The following E2F3 variants were observed in gnomAD, a reference collection of about 807,000 sequenced individuals.
The protein encoded by E2F3 is transcription factor E2F3.
E2F3 carries 11 observed loss-of-function variants against 44.4 expected under a neutral mutation model. The ratio of observed to expected loss-of-function variants is 0.25; its 90% CI spans 0.16 to 0.41. The LOEUF is 0.41. Ranked by LOEUF, E2F3 falls within the 10% of genes least tolerant of loss-of-function variation. The probability of loss-of-function intolerance (pLI) is 1.00; values close to 1 mark genes in which losing one functional copy is unlikely to be tolerated. For missense variants in E2F3, 487 were observed against 583.6 expected, an observed-to-expected ratio of 0.83 and a Z score of 1.70; for synonymous variants, 249 against 253.0, an observed-to-expected ratio of 0.98 and a Z score of 0.15.
chr6:20,442,248 C>T (rs761406944), intron 1 of E2F3, among the ~76,000 whole-genome samples: 1 of 152,166 alleles, frequency 6.6e-6, no homozygotes, highest in Non-Finnish European at 1.5e-5. Context: ...GCCAACACAG[C>T]GAAGTATGCT....
intron 1 of E2F3, among the ~76,000 whole-genome samples, chr6:20,445,778 G>A (rs1031735689): frequency 6.6e-6 from 1 of 152,156 alleles, no homozygotes; most frequent in African/African-American, 2.4e-5. Flanking sequence ...TCCAAAATAC[G>A]TACAATGTTA....
chr6:20,410,575 C>T (rs897892703), intron 1 of E2F3, among the ~76,000 whole-genome samples: 4 of 152,300 alleles, frequency 2.6e-5, no homozygotes, highest in South Asian at 2.1e-4. Flanking sequence ...ATTGCCCTTC[C>T]TTCCACAGGC....
At chr6:20,409,626 T>C (rs1239008096) in intron 1 of E2F3, among the ~76,000 whole-genome samples, 1 of 152,258 alleles carries the variant, frequency 6.6e-6, no homozygotes, top group Non-Finnish European at 1.5e-5. Context: ...CCTCTGTGGT[T>C]AGCTCCAAGA....
intron 1 of E2F3, among the ~76,000 whole-genome samples, chr6:20,411,615 C>T (rs1394382789): frequency 1.3e-5 from 2 of 152,204 alleles, no homozygotes; most frequent in Admixed American, 1.3e-4. Flanking sequence ...TCGGCTGCTG[C>T]GACAGTGTGG....
chr6:20,422,190 G>A (rs907647878), intron 1 of E2F3, among the ~76,000 whole-genome samples: 4 of 152,118 alleles, frequency 2.6e-5, no homozygotes, highest in South Asian at 2.1e-4. Context: ...TTGCTGCTTC[G>A]CGTTGCACTT....
chr6:20,473,006 G>C lies in E2F3; in HGVS notation c.394-6840G>C, dbSNP rs997329641. On this transcript the variant is annotated intron_variant, in intron 1 of 6. Transcript: ENST00000346618. The stretch of plus-strand genomic sequence containing the variant: ...CGATTTATGGGAAAAACTTTTTAAA[G>C]ATGGGATGGTAGATAGTCTAGGTAA... Among the ~76,000 whole-genome samples the C allele has an allele frequency of 3.3e-5, 5 of 152,326 alleles. No homozygotes were observed. The East Asian group carries it at 9.6e-4, about 29-fold the overall frequency.
intron 1 of E2F3, among the ~76,000 whole-genome samples, chr6:20,408,359 C>T (rs1305935447): frequency 2.6e-5 from 4 of 152,140 alleles, no homozygotes; most frequent in African/African-American, 9.7e-5. Context: ...GGATAACATA[C>T]CGAGTTTCTA....
intron 1 of E2F3, chr6:20,403,774 C>T: frequency 6.7e-7 from 1 of 1,498,504 alleles, no homozygotes; most frequent in Non-Finnish European, 8.9e-7. Flanking sequence ...CCCTCTCCAG[C>T]CGGCCCCCCA....
At chr6:20,458,991 C>G (rs1365206077) in intron 1 of E2F3, among the ~76,000 whole-genome samples, 1 of 151,890 alleles carries the variant, frequency 6.6e-6, no homozygotes, top group Non-Finnish European at 1.5e-5. Context: ...GGGCTGGGGG[C>G]GGTGGCTCAC....
chr6:20,424,590 T>C (rs187275608), intron 1 of E2F3, among the ~76,000 whole-genome samples: 110 of 133,054 alleles, frequency 8.3e-4, no homozygotes, highest in African/African-American at 3.8e-3. Flanking sequence ...TCCTGTTACA[T>C]ACTTTTTTTT....
chr6:20,440,719 A>G (rs192768764), intron 1 of E2F3, among the ~76,000 whole-genome samples: 42 of 152,324 alleles, frequency 2.8e-4, no homozygotes, highest in African/African-American at 7.5e-4. Context: ...TTGGAAGGAG[A>G]GGTCACATGC....
chr6:20,443,303 T>G (rs1283489731), intron 1 of E2F3, among the ~76,000 whole-genome samples: 2 of 148,068 alleles, frequency 1.4e-5, no homozygotes, highest in African/African-American at 4.8e-5. Flanking sequence ...CTAACTTCCC[T>G]GTGCCTTCCT....
chr6:20,466,776 G>A (rs1413098135), intron 1 of E2F3, among the ~76,000 whole-genome samples: 1 of 151,102 alleles, frequency 6.6e-6, no homozygotes, highest in Non-Finnish European at 1.5e-5. Flanking sequence ...TCCGCCTGCC[G>A]GGTTCAAGCA....
chr6:20,447,349 A>C (rs1760981647), intron 1 of E2F3, among the ~76,000 whole-genome samples: 1 of 151,840 alleles, frequency 6.6e-6, no homozygotes, highest in African/African-American at 2.4e-5. Context: ...TGAGAGAGAG[A>C]GAGAGAGAAA....
intron 1 of E2F3, among the ~76,000 whole-genome samples, chr6:20,408,719 C>T (rs1025967619): frequency 5.9e-5 from 9 of 151,794 alleles, no homozygotes; most frequent in Admixed American, 5.9e-4. Flanking sequence ...TATGTCAGCT[C>T]GAGGTAGAAA....
Position 20,411,078 on chromosome 6 carries a change from T to C in E2F3, c.393+8453T>C, listed in dbSNP as rs1161882813. ...TTTGTATTTCTTTATAAGCTGCCCA[T>C]TGACTTGGGAAAAAGAACTGAAGAA... On this transcript the variant is annotated intron_variant, in intron 1 of 6. Coordinates refer to ENST00000346618, the MANE Select transcript of E2F3 (RefSeq NM_001949.5). Among the ~76,000 whole-genome samples, 3 of 152,210 alleles carry C rather than the reference T, an allele frequency of 2.0e-5. No individual in the cohort carries two copies. The East Asian group carries it at 5.8e-4, about 29-fold the overall frequency.
At chr6:20,458,208 C>A (rs934993833) in intron 1 of E2F3, among the ~76,000 whole-genome samples, 2 of 152,100 alleles carry the variant, frequency 1.3e-5, no homozygotes, top group South Asian at 4.1e-4. Context: ...AATGTTTGCC[C>A]ACATTACTGT....
chr6:20,462,471 T>C (rs1761543322), intron 1 of E2F3, among the ~76,000 whole-genome samples: 1 of 151,760 alleles, frequency 6.6e-6, no homozygotes, highest in Non-Finnish European at 1.5e-5. Flanking sequence ...TTTTTTTTTT[T>C]TTCTGAGACA....
rs1759329945 is a variant in E2F3 at position 20,402,355 on chromosome 6, C to T, written c.123C>T (p.Ser41=). 17 of 1,609,066 alleles carry T rather than the reference C, an allele frequency of 1.1e-5. No homozygotes were observed. The highest frequency in any genetic ancestry group is 1.3e-5 in the African/African-American group (1 of 74,742). The part of the protein sequence containing the change: ...ASMDKRALLA[S]PGFAAAAAAA... Reference sequence around the variant, plus strand: ...TGGACAAAAGGGCACTGCTAGCCAGCCCCGGCTTCGCCGCCGCCGCCGCCG... The same window carrying T: ...TGGACAAAAGGGCACTGCTAGCCAGTCCCGGCTTCGCCGCCGCCGCCGCCG... The change falls in exon 1 of 7, where the codon AGC becomes AGT. Residue 41 remains serine, a synonymous_variant. Transcript: ENST00000346618. The surrounding 1 kb of genome is among the most constrained non-coding windows in gnomAD (Gnocchi z 5.6).
Sources: allele counts gnomAD v4.1 joint callset (sites outside exome capture counted in the v4.1 genomes callset), GRCh38; gene constraint gnomAD v4.1.1; non-coding constraint Gnocchi (gnomAD v3.1); transcripts MANE v1.5; gene names NCBI Gene and HGNC (gene_info 2026-07-23, HGNC 2026-07-21).